Variants in LRRK2 observed in about 807,000 individuals in gnomAD.
The protein encoded by LRRK2 is leucine-rich repeat serine/threonine-protein kinase 2.
Under a neutral mutation model 302.6 loss-of-function variants are expected in LRRK2, and 203 were observed. That is an observed-to-expected ratio of 0.67 (90% CI 0.60 to 0.75). LRRK2 has a LOEUF of 0.75. Ranked by LOEUF, LRRK2 falls within the 30% of genes least tolerant of loss-of-function variation. LRRK2 has a pLI of 0.00. For missense variants in LRRK2, 2,830 were observed against 2,951.0 expected (o/e 0.96, Z 0.95); for synonymous variants, 1,066 against 1,031.9 (o/e 1.03, Z -0.63).
intron 43 of LRRK2, among the ~76,000 whole-genome samples, chr12:40,350,793 T>C (rs1946325978): frequency 6.6e-6 from 1 of 152,148 alleles, no homozygotes; most frequent in Non-Finnish European, 1.5e-5. Context: ...GCTTGTTGTT[T>C]TTCTTTCTTG....
rs1252578412 is a variant in LRRK2, at chr12:40,314,123, A to G, written c.4688A>G (p.Gln1563Arg). ...CAACTAGTGAGAGAAAATCAGCTGC[A>G]GTTAGATGAAAATGAGCTTCCTCAC... ...LLQLVRENQL[Q>R]LDENELPHAV... Residue 1563 changes from glutamine (Q) to arginine (R), a missense_variant, in exon 32 of 51, where the codon CAG becomes CGG. Coordinates refer to ENST00000298910, the MANE Select transcript of LRRK2 (RefSeq NM_198578.4). The G allele has an allele frequency of 3.7e-6, 6 of 1,612,592 alleles. No homozygotes were observed. Among genetic ancestry groups the G allele is most frequent in the African/African-American group, 2.7e-5 (2 of 74,864 alleles).
At chr12:40,321,328 G>T in intron 35 of LRRK2, 140 bp downstream of exon 35, 1 of 838,722 alleles carries the variant, frequency 1.2e-6, no homozygotes, top group Non-Finnish European at 1.8e-6. Flanking sequence ...GGCAGCTGAA[G>T]AATTAGAAAA....
At chr12:40,367,395 C>A (rs571578765) in intron 50 of LRRK2, 2 of 398,876 alleles carry the variant, frequency 5.0e-6, no homozygotes, top group Admixed American at 4.1e-5. Context: ...GCTTTTATTT[C>A]TTTTAGAATA....
Position 40,323,260 on chromosome 12 carries a change from G to A in LRRK2, c.5610G>A (p.Leu1870=), listed in dbSNP as rs281865053. 1 of 1,612,820 alleles carries A rather than the reference G, an allele frequency of 6.2e-7. No individual in the cohort carries two copies. Among genetic ancestry groups the A allele is most frequent in the African/African-American group, 1.3e-5 (1 of 74,846 alleles). The change falls in exon 38 of 51, where the codon TTG becomes TTA. Residue 1870 remains leucine (L), a synonymous_variant. Transcript: ENST00000298910. ...ILADLPRNIM[L]NNDELEFEQA... is the part of the protein sequence containing the mutation. ...CTGACCTGCCTAGAAATATTATGTT[G>A]AATAATGATGAGTTGGAATTTGAAC...
intron 19 of LRRK2, among the ~76,000 whole-genome samples, chr12:40,285,542 A>G (rs1943887199): frequency 6.6e-6 from 1 of 152,064 alleles, no homozygotes; most frequent in Non-Finnish European, 1.5e-5. Context: ...TATTTTTAAT[A>G]TATGTACATA....
chr12:40,286,350 AC>A (rs1943925944), intron 19 of LRRK2: 2 of 152,096 alleles, frequency 1.3e-5, no homozygotes, highest in South Asian at 4.1e-4. Context: ...GGAAAAAGGA[AC>A]CATTTGGGTA....
Position 40,369,115 on chromosome 12 carries a change from G to A in LRRK2, c.*1350G>A, listed in dbSNP as rs199780825. On this transcript the variant is annotated 3_prime_UTR_variant, in exon 51 of 51. Transcript: ENST00000298910. ...TTTTCTGTATTTTAAAGGAAGCTAT[G>A]CTTTAACTTGTTATGTAATTAACAA... 6.6e-6 allele frequency: 1 copy of A among 151,688 alleles called. No homozygotes were observed. The highest frequency in any genetic ancestry group is 1.5e-5 in the Non-Finnish European group (1 of 67,746). 9.4% of individuals were successfully genotyped at this position (151,688 alleles called of 1,614,324 possible). A position where few individuals can be genotyped will look rare whatever the true frequency, so the allele number is the denominator to read the frequency against.
rs750854809 is a variant in LRRK2, at chr12:40,363,590, A to G, written c.7181+36A>G. 11 of 1,602,162 alleles carry G rather than the reference A, an allele frequency of 6.9e-6. No homozygotes were observed. The South Asian group carries it at 1.2e-4, about 18-fold the overall frequency. On this transcript the variant is annotated intron_variant, in intron 48 of 50. Transcript: ENST00000298910. ...TGGTTTTTAATTTTATTCCCAAAAG[A>G]ATTATCTTTGCACTTCATGTGTCAC...
Position 40,294,890 on chromosome 12 carries a change from ATAT to A in LRRK2, c.2858_2860del (p.Leu953del). ...AGATTTACTGAAGCGAAAAAGAAAA[ATAT>A]TATCTTCAGATGATTCACTCAGTAA... On this transcript the variant is annotated inframe_deletion, in exon 22 of 51. Coordinates refer to ENST00000298910, the MANE Select transcript of LRRK2 (RefSeq NM_198578.4). 6.4e-7 allele frequency: 1 copy of A among 1,553,290 alleles called. No individual in the cohort carries two copies. The highest frequency in any genetic ancestry group is 8.9e-7 in the Non-Finnish European group (1 of 1,129,138).
chr12:40,327,484 G>A (rs1288544245), intron 38 of LRRK2, among the ~76,000 whole-genome samples: 2 of 152,182 alleles, frequency 1.3e-5, no homozygotes, highest in South Asian at 2.1e-4. Flanking sequence ...CAGGACTGGG[G>A]CAGGGAAAGC....
chr12:40,270,869 T>C (rs1943203468), intron 14 of LRRK2, among the ~76,000 whole-genome samples: 1 of 152,178 alleles, frequency 6.6e-6, no homozygotes, highest in Non-Finnish European at 1.5e-5. Context: ...CAATTTGATA[T>C]AATTTTGGCA....
rs141839568 is a variant in LRRK2 at position 40,321,940 on chromosome 12, G to T, written c.5171-95G>T. 2,049 of 1,227,452 alleles carry T rather than the reference G, an allele frequency of 1.7e-3. 30 individuals carry two copies. The African/African-American group carries it at 0.027, about 16-fold the overall frequency. The allele number at this position is 1,227,452 out of a possible 1,614,324, so 76.0% of individuals were successfully genotyped here. A position where few individuals can be genotyped will look rare whatever the true frequency, so the allele number is the denominator to read the frequency against. On this transcript the variant is annotated intron_variant, in intron 35 of 50. Coordinates refer to ENST00000298910, the MANE Select transcript of LRRK2 (RefSeq NM_198578.4). ...ACAACCCAATACTTTATTTCAAAAT[G>T]AATAGATCTGTATTACAATCACTTG...
At chr12:40,255,940 A>G (rs1349857848) in intron 11 of LRRK2, among the ~76,000 whole-genome samples, 1 of 152,150 alleles carries the variant, frequency 6.6e-6, no homozygotes, top group Non-Finnish European at 1.5e-5. Flanking sequence ...ATTTATTTCC[A>G]TGTTTTGTCC....
At chr12:40,317,749 T>C (rs942640490) in intron 33 of LRRK2, among the ~76,000 whole-genome samples, 1 of 152,116 alleles carries the variant, frequency 6.6e-6, no homozygotes, top group African/African-American at 2.4e-5. Flanking sequence ...ATTCAGGTTA[T>C]GAGGTTGAAG....
chr12:40,303,250 G>A (rs1944693276), intron 26 of LRRK2, among the ~76,000 whole-genome samples: 2 of 152,088 alleles, frequency 1.3e-5, no homozygotes, highest in Admixed American at 6.6e-5. Context: ...TTATGTTTGA[G>A]TGAAATTTTG....
At chr12:40,228,866 C>T (rs1050409163) in intron 2 of LRRK2, among the ~76,000 whole-genome samples, 26 of 152,094 alleles carry the variant, frequency 1.7e-4, no homozygotes, top group African/African-American at 5.3e-4. Context: ...GAAATATTAC[C>T]GGATGTTTTA....
At chr12:40,243,408 A>C in intron 6 of LRRK2, 142 bp from the exon 7 acceptor site, 1 of 852,650 alleles carries the variant, frequency 1.2e-6, no homozygotes, top group Non-Finnish European at 1.9e-6. Flanking sequence ...TTTTACAGCT[A>C]CTTAAAGAAC....
chr12:40,351,015 G>A (rs979446518), intron 43 of LRRK2, among the ~76,000 whole-genome samples: 1 of 152,148 alleles, frequency 6.6e-6, no homozygotes, highest in African/African-American at 2.4e-5. Flanking sequence ...CGGGCAGGTG[G>A]CCATGTCACA....
chr12:40,270,370 A>G (rs999856886), intron 14 of LRRK2, among the ~76,000 whole-genome samples: 1 of 152,080 alleles, frequency 6.6e-6, no homozygotes, highest in Non-Finnish European at 1.5e-5. Flanking sequence ...GTTATTTGGA[A>G]GCAGTCTTCA....
Sources: allele counts gnomAD v4.1 joint callset (sites outside exome capture counted in the v4.1 genomes callset), GRCh38; gene constraint gnomAD v4.1.1; transcripts MANE v1.5; gene names NCBI Gene and HGNC (gene_info 2026-07-23, HGNC 2026-07-21).